APOLD1: variants seen among roughly 807,000 people sequenced by gnomAD.
The protein encoded by APOLD1 is apolipoprotein L domain containing 1.
In APOLD1, 22 loss-of-function variants were observed where a neutral mutation model predicts 15.3. The ratio of observed to expected loss-of-function variants is 1.44; its 90% CI spans 1.03 to 2.05. The LOEUF (loss-of-function observed/expected upper bound fraction) is 2.05, where lower values mean the gene tolerates loss of function less well. Ranked by LOEUF, APOLD1 falls within the 30% of genes most tolerant of loss-of-function variation. The pLI, the probability that APOLD1 is intolerant of heterozygous loss-of-function variation, is 0.00. For missense variants in APOLD1, 394 were observed against 353.5 expected (o/e 1.11, Z -0.92); for synonymous variants, 190 against 167.4 (o/e 1.13, Z -1.04).
At chr12:12,769,525 A>G (rs972163791) in intron 1 of APOLD1, among the ~76,000 whole-genome samples, 1 of 151,986 alleles carries the variant, frequency 6.6e-6, no homozygotes, top group African/African-American at 2.4e-5. Context: ...ACACTTTTGT[A>G]GTTTTACCTC....
chr12:12,784,503 T>C (rs981925186), upstream of APOLD1, among the ~76,000 whole-genome samples: 1 of 152,182 alleles, frequency 6.6e-6, no homozygotes, highest in Non-Finnish European at 1.5e-5. Context: ...AGGACTATGG[T>C]TGTCCTTTCT....
rs1023433570 is a variant in APOLD1 at position 12,790,836 on chromosome 12, C to G, written c.*3184C>G. 2 of 152,142 alleles carry G rather than the reference C, an allele frequency of 1.3e-5. No homozygotes were observed. Among genetic ancestry groups the G allele is most frequent in the Non-Finnish European group, 1.5e-5 (1 of 68,006 alleles). The allele number at this position is 152,142 out of a possible 1,614,324, so 9.4% of individuals were successfully genotyped here. ...TGATTCTAGAAACAAATATTTATTT[C>G]TTTCTTTTACGGGGATGTGAATAAG... On this transcript the variant is annotated 3_prime_UTR_variant, in exon 2 of 2. Transcript: ENST00000356591.
At chr12:12,762,872 G>A (rs550744771) in intron 1 of APOLD1, among the ~76,000 whole-genome samples, 32 of 152,188 alleles carry the variant, frequency 2.1e-4, no homozygotes, top group African/African-American at 6.3e-4. Context: ...TAGCCTGGGC[G>A]CCGTAGCTCA....
intron 1 of APOLD1, among the ~76,000 whole-genome samples, chr12:12,777,889 GTTTTTTT>G (rs71436735): frequency 0.018 from 2,134 of 116,202 alleles, 15 homozygotes; most frequent in Admixed American, 0.034. Context: ...AAGGAAAGGT[GTTTTTTT>G]TTTTTTTTTT....
intron 1 of APOLD1, among the ~76,000 whole-genome samples, chr12:12,728,280 A>T (rs191913286): frequency 6.6e-6 from 1 of 152,220 alleles, no homozygotes; most frequent in Admixed American, 6.5e-5. Context: ...TTAATACTTA[A>T]TGTAGGGTTC....
intron 1 of APOLD1, among the ~76,000 whole-genome samples, chr12:12,765,157 G>GT (rs1346726712): frequency 1.3e-5 from 2 of 152,136 alleles, no homozygotes; most frequent in African/African-American, 4.8e-5. Context: ...TTCTGATGAA[G>GT]GGCTCAGGAA....
chr12:12,740,402 C>G (rs527693486), intron 1 of APOLD1, among the ~76,000 whole-genome samples: 2 of 152,340 alleles, frequency 1.3e-5, no homozygotes, highest in South Asian at 2.1e-4. Context: ...CAGGCATGAG[C>G]CACTGTACCC....
chr12:12,736,320 C>T (rs1393788643), intron 1 of APOLD1, among the ~76,000 whole-genome samples: 1 of 151,802 alleles, frequency 6.6e-6, no homozygotes, highest in African/African-American at 2.4e-5. Context: ...CACTGCACTC[C>T]AGCCTGGGCA....
intron 1 of APOLD1, among the ~76,000 whole-genome samples, chr12:12,770,697 G>A (rs1283214130): frequency 2.7e-5 from 4 of 150,528 alleles, no homozygotes; most frequent in Non-Finnish European, 5.9e-5. Flanking sequence ...TGAAACAATA[G>A]TGATTGAGAA....
intron 1 of APOLD1, chr12:12,726,301 T>A: frequency 1.5e-6 from 1 of 667,306 alleles, no homozygotes; most frequent in Non-Finnish European, 2.7e-6. Flanking sequence ...TTCCAGAGCG[T>A]TTTTGCGGGA....
At chr12:12,726,141 A>ACACCT in intron 1 of APOLD1, 1 of 678,802 alleles carries the variant, frequency 1.5e-6, no homozygotes, top group Non-Finnish European at 2.3e-6. Flanking sequence ...CCGGAAAAGA[A>ACACCT]CACCTCTTCG....
intron 1 of APOLD1, chr12:12,771,660 G>A: frequency 1.0e-5 from 5 of 491,206 alleles, no homozygotes; most frequent in South Asian, 5.9e-5. Context: ...TGAAACCCAA[G>A]CCTCTTGTCT....
chr12:12,764,812 C>A, intron 1 of APOLD1: 1 of 370,456 alleles, frequency 2.7e-6, no homozygotes, highest in Non-Finnish European at 6.0e-6. Flanking sequence ...GTAAGGAAGG[C>A]CACAGCATGG....
Position 12,790,749 on chromosome 12 carries a change from C to T in APOLD1, c.*3097C>T, listed in dbSNP as rs1161288622. Reference sequence around the variant, plus strand: ...AATTTGTTGACAACAAAAGATCATCCATCGCCTTATGTGTGAGTAAGATTG... The same window carrying T: ...AATTTGTTGACAACAAAAGATCATCTATCGCCTTATGTGTGAGTAAGATTG... On this transcript the variant is annotated 3_prime_UTR_variant, in exon 2 of 2. Coordinates refer to ENST00000356591, the MANE Select transcript of APOLD1 (RefSeq NM_030817.3). 1.3e-5 allele frequency: 2 copies of T among 152,192 alleles called. No individual in the cohort carries two copies. Among genetic ancestry groups the T allele is most frequent in the Admixed American group, 1.3e-4 (2 of 15,276 alleles). 9.4% of individuals were successfully genotyped at this position (152,192 alleles called of 1,614,324 possible). A position where few individuals can be genotyped will look rare whatever the true frequency, so the allele number is the denominator to read the frequency against.
At chr12:12,730,572 T>TCA (rs1322152188) in intron 1 of APOLD1, among the ~76,000 whole-genome samples, 1 of 149,426 alleles carries the variant, frequency 6.7e-6, no homozygotes, top group Non-Finnish European at 1.5e-5. Context: ...TCCCAGCTAC[T>TCA]GGAGAGGCTG....
chr12:12,782,287 AAACAAAC>A (rs879447778), upstream of APOLD1, among the ~76,000 whole-genome samples: 7,487 of 151,496 alleles, frequency 0.049, 226 homozygotes, highest in African/African-American at 0.088. Flanking sequence ...ACAAACAAAC[AAACAAAC>A]ACTACCAGTT....
intron 1 of APOLD1, among the ~76,000 whole-genome samples, chr12:12,736,500 C>T (rs533706802): frequency 5.1e-4 from 77 of 152,276 alleles, no homozygotes; most frequent in African/African-American, 1.7e-3. Context: ...GCACTCCAGC[C>T]TGGGTGACAG....
chr12:12,750,809 C>A (rs1175567595), intron 1 of APOLD1, among the ~76,000 whole-genome samples: 1 of 152,004 alleles, frequency 6.6e-6, no homozygotes, highest in African/African-American at 2.4e-5. Flanking sequence ...GGGTCTTACT[C>A]TGTCACCCAG....
At chr12:12,754,876 CAAAAAAAA>C (rs56984147) in intron 1 of APOLD1, among the ~76,000 whole-genome samples, 1 of 98,818 alleles carries the variant, frequency 1.0e-5, no homozygotes, top group Non-Finnish European at 2.1e-5. Flanking sequence ...CTTTGTCTCT[CAAAAAAAA>C]AAAAAAAAAA....
Sources: gnomAD v4.1 joint callset for allele counts (sites outside exome capture counted in the v4.1 genomes callset) on GRCh38, gnomAD v4.1.1 for gene constraint, MANE v1.5 for transcripts, NCBI Gene and HGNC (gene_info 2026-07-23, HGNC 2026-07-21) for gene names.